SLC4A4: variants seen among roughly 807,000 people sequenced by gnomAD.
SLC4A4 encodes the protein solute carrier family 4 member 4.
SLC4A4 carries 27 observed loss-of-function variants against 111.5 expected under a neutral mutation model. That is an observed-to-expected ratio of 0.24 (90% CI 0.18 to 0.33). SLC4A4 has a LOEUF of 0.33. Among genes scored for constraint, SLC4A4 ranks in the 10% least tolerant of loss-of-function variants. SLC4A4 has a pLI of 1.00. For missense variants in SLC4A4, 909 were observed against 1,315.5 expected, an observed-to-expected ratio of 0.69 and a Z score of 4.78; for synonymous variants, 443 against 463.4, an observed-to-expected ratio of 0.96 and a Z score of 0.57.
chr4:71,288,127 CA>C (rs141996945), intron 3 of SLC4A4, among the ~76,000 whole-genome samples: 3,233 of 152,158 alleles, frequency 0.021, 110 homozygotes, highest in African/African-American at 0.073. Context: ...ATTTTAATAT[CA>C]CTTGTTTCTG....
intron 16 of SLC4A4, among the ~76,000 whole-genome samples, chr4:71,504,298 T>C (rs569488230): frequency 6.6e-6 from 1 of 152,172 alleles, no homozygotes; most frequent in African/African-American, 2.4e-5. Context: ...AATGCAAAGA[T>C]TTATTCACTT....
At chr4:71,464,747 A>T (rs1560531653) in intron 12 of SLC4A4, among the ~76,000 whole-genome samples, 1 of 152,240 alleles carries the variant, frequency 6.6e-6, no homozygotes, top group East Asian at 1.9e-4. Context: ...TTCTGAATTG[A>T]ATTCCACCCT....
chr4:71,068,686 C>T (rs941434573), intron 1 of SLC4A4, among the ~76,000 whole-genome samples: 1 of 152,182 alleles, frequency 6.6e-6, no homozygotes, highest in South Asian at 2.1e-4. Flanking sequence ...CTTAGCCTCC[C>T]AAGTAGCTGA....
chr4:71,229,000 A>T (rs898436244), intron 1 of SLC4A4, among the ~76,000 whole-genome samples: 9 of 152,228 alleles, frequency 5.9e-5, no homozygotes, highest in African/African-American at 2.2e-4. Context: ...ATGTATCCAC[A>T]GATAAGATAC....
intron 2 of SLC4A4, among the ~76,000 whole-genome samples, chr4:71,163,662 T>C (rs756516037): frequency 1.5e-4 from 23 of 152,242 alleles, no homozygotes; most frequent in Non-Finnish European, 2.8e-4. Context: ...TTTTTATTAA[T>C]GTAGTCTGCC....
At chr4:71,125,995 T>A (rs1560733157) in intron 2 of SLC4A4, among the ~76,000 whole-genome samples, 1 of 152,226 alleles carries the variant, frequency 6.6e-6, no homozygotes, top group African/African-American at 2.4e-5. Flanking sequence ...CTGTATTTTG[T>A]TAGCTGCATC....
chr4:71,074,916 T>C (rs1434688109), intron 1 of SLC4A4, among the ~76,000 whole-genome samples: 2 of 152,236 alleles, frequency 1.3e-5, no homozygotes, highest in African/African-American at 2.4e-5. Context: ...TTGTTTGTTC[T>C]GACTTCTACT....
intron 21 of SLC4A4, among the ~76,000 whole-genome samples, chr4:71,555,912 T>C (rs1736433663): frequency 6.6e-6 from 1 of 151,922 alleles, no homozygotes; most frequent in Admixed American, 6.6e-5. Context: ...TAAGGGACTT[T>C]GTCTTTCAAT....
intron 1 of SLC4A4, among the ~76,000 whole-genome samples, chr4:71,214,169 C>T (rs1578606939): frequency 1.3e-5 from 2 of 152,082 alleles, no homozygotes; most frequent in South Asian, 2.1e-4. Context: ...GATCCTGTAC[C>T]GAGGGGTATA....
chr4:71,255,300 A>G lies in SLC4A4; in HGVS notation c.154A>G (p.Lys52Glu). 1 of 1,613,586 alleles carries G rather than the reference A, an allele frequency of 6.2e-7. No homozygotes were observed. Among genetic ancestry groups the G allele is most frequent in the Non-Finnish European group, 8.5e-7 (1 of 1,179,604 alleles). ...ACGTCACAAGAGAAAGACAGGGCAC[A>G]AAGAAAAGAAGGAAAAGGAGAGAAT... is the stretch of plus-strand genomic sequence containing the variant. ...RRRHKRKTGH[K>E]EKKEKERISE... Residue 52 changes from lysine to glutamate, a missense_variant, in exon 3 of 26, where the codon AAA (lysine) becomes GAA (glutamate). Physicochemically the swap from Lys to Glu is moderately conservative, Grantham distance 56. Around this residue, in one of 7 missense-constraint regions of SLC4A4, gnomAD observed 117 missense variants for 154.2 expected, o/e 0.76. Coordinates refer to ENST00000264485, the MANE Select transcript of SLC4A4 (RefSeq NM_001098484.3).
intron 1 of SLC4A4, among the ~76,000 whole-genome samples, chr4:71,222,391 C>A (rs1379296224): frequency 6.6e-6 from 1 of 152,226 alleles, no homozygotes; most frequent in Non-Finnish European, 1.5e-5. Flanking sequence ...TTTAAAACTG[C>A]ACCACTACCC....
chr4:71,169,593 C>A (rs943517873), intron 2 of SLC4A4, among the ~76,000 whole-genome samples: 20 of 151,994 alleles, frequency 1.3e-4, no homozygotes, highest in African/African-American at 4.8e-4. Flanking sequence ...CTTATATATT[C>A]TGGTTATTAA....
chr4:71,305,644 A>G (rs989873442), intron 3 of SLC4A4, among the ~76,000 whole-genome samples: 1 of 152,234 alleles, frequency 6.6e-6, no homozygotes, highest in Non-Finnish European at 1.5e-5. Flanking sequence ...TGTGAATCTC[A>G]GAGCATATTA....
chr4:71,316,102 G>T (rs1578820404), intron 3 of SLC4A4, among the ~76,000 whole-genome samples: 1 of 152,132 alleles, frequency 6.6e-6, no homozygotes. Flanking sequence ...AAAAGTTATG[G>T]TTATTAATTT....
rs181867670 is a variant in SLC4A4 at position 71,546,191 on chromosome 4, G to T, written c.2443-159G>T. Reference sequence around the variant, plus strand: ...CAGCTGTGTGTTTAATTGCTAGGGGGAATAATACAAAGAAGATAAAGTCCC... The same window carrying T: ...CAGCTGTGTGTTTAATTGCTAGGGGTAATAATACAAAGAAGATAAAGTCCC... On this transcript the variant is annotated intron_variant, in intron 18 of 25. Transcript: ENST00000264485. 9.2e-5 allele frequency among the ~76,000 whole-genome samples: 14 copies of T among 152,104 alleles called. No homozygotes were observed. In the East Asian group the frequency reaches 1.9e-3, roughly 21 times the overall value.
intron 1 of SLC4A4, among the ~76,000 whole-genome samples, chr4:71,089,190 C>T (rs796156736): frequency 7.2e-5 from 11 of 152,120 alleles, no homozygotes; most frequent in African/African-American, 1.4e-4. Context: ...GGTGATCGAT[C>T]GGCTACTGAG....
intron 7 of SLC4A4, among the ~76,000 whole-genome samples, chr4:71,415,279 C>T (rs1202756850): frequency 1.3e-5 from 2 of 152,174 alleles, no homozygotes; most frequent in Admixed American, 6.5e-5. Flanking sequence ...AATGTGGTGG[C>T]AATCTAGCTG....
chr4:71,515,218 A>AT (rs1173572859), intron 16 of SLC4A4, among the ~76,000 whole-genome samples: 1 of 151,866 alleles, frequency 6.6e-6, no homozygotes, highest in Non-Finnish European at 1.5e-5. Flanking sequence ...TTTCATCTTA[A>AT]TTTCTTTGTT....
intron 1 of SLC4A4, among the ~76,000 whole-genome samples, chr4:71,223,984 C>G (rs1420781111): frequency 2.0e-5 from 3 of 152,096 alleles, no homozygotes; most frequent in South Asian, 2.1e-4. Context: ...GAGCCCAGGT[C>G]CTCACTGCCC....
Sources: allele counts gnomAD v4.1 joint callset (sites outside exome capture counted in the v4.1 genomes callset), GRCh38; gene constraint gnomAD v4.1.1; regional missense constraint gnomAD v4.1.1; transcripts MANE v1.5; gene names NCBI Gene and HGNC (gene_info 2026-07-23, HGNC 2026-07-21).